Variants in OR56A3 observed in about 807,000 individuals in gnomAD.
OR56A3 encodes the protein olfactory receptor 56A3.
Under a neutral mutation model 17.5 loss-of-function variants are expected in OR56A3, and 23 were observed. The ratio of observed to expected loss-of-function variants is 1.32; its 90% CI spans 0.95 to 1.87. The LOEUF (loss-of-function observed/expected upper bound fraction) is 1.87, where lower values mean the gene tolerates loss of function less well. OR56A3 is among the 40% of genes most tolerant of loss of function. The pLI is 0.00. For synonymous variants in OR56A3, 175 were observed against 150.6 expected (o/e 1.16, Z -1.19); for missense variants, 366 against 380.1 (o/e 0.96, Z 0.31).
At chr11:6,009,885 T>A in the OR56A3 span, among the ~76,000 whole-genome samples, 4 of 152,172 alleles carry the variant, frequency 2.6e-5, no homozygotes, top group East Asian at 1.9e-4. Flanking sequence ...CTTTTTAAAT[T>A]CTCTTTATCT....
chr11:5,986,840 G>A, the OR56A3 span: 1 of 1,613,876 alleles, frequency 6.2e-7, no homozygotes, highest in South Asian at 1.1e-5. Context: ...CCTACCAGGA[G>A]AAAAGAAGGC....
intron 1 of OR56A3, among the ~76,000 whole-genome samples, chr11:5,943,742 A>G (rs942876381): frequency 1.3e-5 from 2 of 152,212 alleles, no homozygotes; most frequent in African/African-American, 4.8e-5. Context: ...TGCCACAAAA[A>G]GAATAAAATA....
the OR56A3 span, among the ~76,000 whole-genome samples, chr11:5,962,537 T>C: frequency 7.3e-5 from 11 of 149,696 alleles, no homozygotes; most frequent in Admixed American, 6.6e-4. Context: ...TTTTCTTTTT[T>C]TTTTTTTTTT....
chr11:5,945,431 A>T (rs1259434761), intron 2 of OR56A3, among the ~76,000 whole-genome samples: 1 of 151,898 alleles, frequency 6.6e-6, no homozygotes, highest in Non-Finnish European at 1.5e-5. Context: ...AAACAAACAA[A>T]ATTAACTGGG....
chr11:5,994,941 T>C, the OR56A3 span: 3 of 743,834 alleles, frequency 4.0e-6, no homozygotes, highest in Middle Eastern at 3.1e-4. Flanking sequence ...ATGCCTCCCA[T>C]TCCTGCCAGA....
chr11:6,002,013 A>ATT, the OR56A3 span: 2 of 1,496,494 alleles, frequency 1.3e-6, no homozygotes, highest in Admixed American at 4.7e-5. Context: ...TTCACTAACA[A>ATT]TTAACAACTC....
At chr11:5,956,973 C>T in the OR56A3 span, among the ~76,000 whole-genome samples, 1 of 152,084 alleles carries the variant, frequency 6.6e-6, no homozygotes, top group Non-Finnish European at 1.5e-5. Context: ...CTGACCAACA[C>T]GGTGAAACTC....
chr11:5,952,029 A>T (rs1271082472), downstream of OR56A3, among the ~76,000 whole-genome samples: 2 of 152,236 alleles, frequency 1.3e-5, no homozygotes, highest in African/African-American at 4.8e-5. Flanking sequence ...AAAAGAAAAT[A>T]AGCCACTATT....
chr11:5,996,725 AT>A, the OR56A3 span, among the ~76,000 whole-genome samples: 1 of 152,214 alleles, frequency 6.6e-6, no homozygotes, highest in East Asian at 1.9e-4. Flanking sequence ...ATACAAACTT[AT>A]TTGTGGCCAG....
chr11:5,982,464 C>G, the OR56A3 span, among the ~76,000 whole-genome samples: 2 of 152,082 alleles, frequency 1.3e-5, no homozygotes, highest in African/African-American at 4.8e-5. Context: ...GCAGTTGCCA[C>G]TGGGAAGCTC....
rs761528471 is a variant in OR56A3 at position 5,947,996 on chromosome 11, T to C, written c.650T>C (p.Leu217Pro). ...GWTLLGSDLI[L>P]IFLSYTFILR... is the part of the protein sequence containing the mutation. ...ACTCTGCTAGGATCTGACCTCATCC[T>C]TATCTTCCTCTCCTACACCTTCATT... Residue 217 changes from leucine to proline, a missense_variant, in exon 3 of 3, where the codon CTT (leucine) becomes CCT (proline). Leu to Pro is a moderately conservative substitution (Grantham distance 98, BLOSUM62 -3). Coordinates refer to ENST00000641160, the MANE Select transcript of OR56A3 (RefSeq NM_001003443.3). The C allele has an allele frequency of 5.0e-6, 8 of 1,614,120 alleles. No homozygotes were observed. In the East Asian group the frequency reaches 1.6e-4, roughly 31 times the overall value.
chr11:5,994,741 G>A, the OR56A3 span: 46 of 793,168 alleles, frequency 5.8e-5, 1 homozygote, highest in Admixed American at 5.3e-4. Flanking sequence ...CAGTATTTGC[G>A]AAGATCTGAG....
chr11:5,999,650 G>T, the OR56A3 span: 4 of 152,252 alleles, frequency 2.6e-5, no homozygotes, highest in African/African-American at 9.6e-5. Flanking sequence ...AATAGTATAA[G>T]ATTTTATTGT....
chr11:5,945,703 C>T (rs1053767002), intron 2 of OR56A3, among the ~76,000 whole-genome samples: 6 of 151,630 alleles, frequency 4.0e-5, no homozygotes, highest in Admixed American at 2.0e-4. Context: ...CAGTTAAGAA[C>T]CTGGATTTTG....
chr11:5,948,212 C>CA lies in OR56A3; in HGVS notation c.867dup (p.Ala290SerfsTer3). 1 of 1,614,242 alleles carries CA rather than the reference C, an allele frequency of 6.2e-7. No individual in the cohort carries two copies. ...AATGTTCTCCACCATGTCATTCCTG[C>CA]AGCCCTTAACCCCATCATTTACGGG... On this transcript the variant is annotated frameshift_variant, in exon 3 of 3. Coordinates refer to ENST00000641160, the MANE Select transcript of OR56A3 (RefSeq NM_001003443.3). LOFTEE classifies it high-confidence loss of function.
the OR56A3 span, chr11:5,999,389 C>G: frequency 6.6e-6 from 1 of 152,118 alleles, no homozygotes; most frequent in African/African-American, 2.4e-5. Flanking sequence ...TGTACAAAAA[C>G]TTTTATTAAT....
intron 2 of OR56A3, among the ~76,000 whole-genome samples, chr11:5,946,721 T>C (rs372059612): frequency 6.6e-6 from 1 of 152,214 alleles, no homozygotes; most frequent in Non-Finnish European, 1.5e-5. Context: ...GTGGAACCTA[T>C]GCCTACTAAA....
chr11:5,967,217 G>A, the OR56A3 span: 2 of 215,350 alleles, frequency 9.3e-6, no homozygotes, highest in Non-Finnish European at 1.8e-5. Flanking sequence ...TACAGGAATT[G>A]AGAAACATTT....
intron 2 of OR56A3, 136 bp from the exon 3 acceptor site, chr11:5,947,175 A>G: frequency 1.6e-6 from 1 of 619,946 alleles, no homozygotes; most frequent in South Asian, 2.0e-5. Context: ...CAGTGACATG[A>G]CACTGAGGAA....
Sources: allele counts gnomAD v4.1 joint callset (sites outside exome capture counted in the v4.1 genomes callset), GRCh38; gene constraint gnomAD v4.1.1; transcripts MANE v1.5; gene names NCBI Gene and HGNC (gene_info 2026-07-23, HGNC 2026-07-21).